Variants in POU2F2 observed in about 807,000 individuals in gnomAD.
The protein encoded by POU2F2 is POU class 2 homeobox 2.
A neutral mutation model predicts 63.5 loss-of-function variants in POU2F2; 14 were observed. The observed-to-expected ratio is 0.22, with a 90% CI of 0.15 to 0.34. The LOEUF (loss-of-function observed/expected upper bound fraction) is 0.34, where lower values mean the gene tolerates loss of function less well. POU2F2 is among the 10% of genes least tolerant of loss of function. The pLI is 1.00. For synonymous variants in POU2F2, 306 were observed against 348.6 expected, an observed-to-expected ratio of 0.88 and a Z score of 1.36; for missense variants, 607 against 815.2, an observed-to-expected ratio of 0.74 and a Z score of 3.11.
At chr19:42,137,152 T>C (rs922321908), upstream of POU2F2, 11 of 152,164 alleles carry the variant, frequency 7.2e-5, no homozygotes, top group Non-Finnish European at 1.3e-4. Flanking sequence ...ATAGAGCTTA[T>C]AGTCTTTGGG....
intron 2 of POU2F2, among the ~76,000 whole-genome samples, chr19:42,159,721 G>A (rs1161683841): frequency 6.6e-6 from 1 of 152,154 alleles, no homozygotes; most frequent in Non-Finnish European, 1.5e-5. Context: ...TTGTTCAGGG[G>A]AACGCTTCCA....
intron 1 of POU2F2, among the ~76,000 whole-genome samples, chr19:42,129,643 G>A (rs2033526355): frequency 1.3e-5 from 2 of 152,194 alleles, no homozygotes; most frequent in Non-Finnish European, 2.9e-5. Context: ...CTTCAATTAG[G>A]GGTATGGCCT....
chr19:42,159,162 A>G (rs764997641), intron 2 of POU2F2, among the ~76,000 whole-genome samples: 7 of 152,202 alleles, frequency 4.6e-5, no homozygotes, highest in Non-Finnish European at 8.8e-5. Flanking sequence ...CAAGTTTTGC[A>G]TTAGTTGCCA....
At chr19:42,172,168 G>A (rs1340240510) in intron 1 of POU2F2, among the ~76,000 whole-genome samples, 1 of 152,064 alleles carries the variant, frequency 6.6e-6, no homozygotes, top group African/African-American at 2.4e-5. Flanking sequence ...CAGTATCTGA[G>A]CATCCTTAAA....
intron 13 of POU2F2, 55 bp from the exon 14 acceptor site, chr19:42,091,995 G>T: frequency 1.3e-6 from 2 of 1,537,752 alleles, no homozygotes; most frequent in Non-Finnish European, 1.8e-6. Context: ...CAACATAACT[G>T]GGGTGCCGCT....
At chr19:42,110,176 T>C (rs1168207645) in intron 5 of POU2F2, among the ~76,000 whole-genome samples, 5 of 151,832 alleles carry the variant, frequency 3.3e-5, no homozygotes, top group East Asian at 1.9e-4. Context: ...GGTGGGAGGA[T>C]TGCTTCAGCC....
At position 42,117,815 on chromosome 19, in the gene POU2F2, G is replaced by GAAA. The variant is rs35712190; in HGVS notation, c.187-386_187-384dup. 2.1e-5 allele frequency among the ~76,000 whole-genome samples: 3 copies of GAAA among 142,112 alleles called. No homozygotes were observed. The highest frequency in any genetic ancestry group is 4.6e-5 in the Non-Finnish European group (3 of 64,842). 93.2% of individuals were successfully genotyped at this position (142,112 alleles called of 152,430 possible). ...GCCAACATGGTGAAACCCCATTTCT[G>GAAA]AAAAAAAAAAAGGAAAATACTCCCA... On this transcript the variant is annotated intron_variant, in intron 4 of 14. Coordinates refer to ENST00000692977, the MANE Select transcript of POU2F2 (RefSeq NM_001394376.1). This position sits in a 1 kb window ranked among gnomAD's most constrained non-coding sequence, Gnocchi z 4.4.
intron 1 of POU2F2, among the ~76,000 whole-genome samples, 163 bp downstream of exon 1, chr19:42,132,221 G>A (rs1180301362): frequency 6.6e-6 from 1 of 152,222 alleles, no homozygotes; most frequent in Non-Finnish European, 1.5e-5. Flanking sequence ...AAGAGGAGCT[G>A]TGGGGGTTAG....
At chr19:42,190,382 T>G (rs923729861) in intron 1 of POU2F2, among the ~76,000 whole-genome samples, 3 of 152,134 alleles carry the variant, frequency 2.0e-5, no homozygotes, top group Non-Finnish European at 4.4e-5. Flanking sequence ...TTTTATTTGT[T>G]GAGACTGAAA....
In POU2F2 at chr19:42,091,495, A is replaced by C. The variant is rs2076711559; in HGVS notation, c.1637T>G (p.Leu546Arg). Reference protein sequence around the residue: ...AAGAAPGSPGLVTSPLFLNHA... With the variant: ...AAGAAPGSPGRVTSPLFLNHA... ...ATTCAAGAAGAGCGGCGAGGTCACC[A>C]GGCCAGGGCTCCCCGGGGCTGCACC... is the stretch of plus-strand genomic sequence containing the variant. Residue 546 changes from leucine to arginine, a missense_variant, in exon 15 of 15, where the codon CTG becomes CGG. By Grantham distance (102) the Leu-to-Arg change is moderately radical. Transcript: ENST00000692977. The C allele has an allele frequency of 5.2e-6, 8 of 1,549,128 alleles. No individual in the cohort carries two copies. Among genetic ancestry groups the C allele is most frequent in the African/African-American group, 1.4e-5 (1 of 73,086 alleles).
chr19:42,151,408 G>A (rs2034349002), intron 2 of POU2F2, among the ~76,000 whole-genome samples: 1 of 152,112 alleles, frequency 6.6e-6, no homozygotes, highest in East Asian at 1.9e-4. Context: ...TGGGAGGAGA[G>A]GAGGATCTGG....
chr19:42,113,907 G>A (rs1489597213), intron 5 of POU2F2, among the ~76,000 whole-genome samples: 3 of 152,174 alleles, frequency 2.0e-5, no homozygotes, highest in Non-Finnish European at 4.4e-5. Flanking sequence ...TGGTCCCTCT[G>A]CAGCCTGGGC....
intron 7 of POU2F2, among the ~76,000 whole-genome samples, chr19:42,098,966 G>A (rs990910670): frequency 3.9e-5 from 6 of 152,202 alleles, no homozygotes; most frequent in South Asian, 2.1e-4. Flanking sequence ...AAGCCACCAC[G>A]TAGACACAGG....
Position 42,194,070 on chromosome 19 carries a change from T to C in POU2F2, c.-70+2313A>G, listed in dbSNP as rs370708296. On this transcript the variant is annotated intron_variant, in intron 1 of 5. Coordinates refer to the POU2F2 transcript ENST00000532176. Reference sequence around the variant, plus strand: ...GTTCAAGAAGAGATAAAATTAACTCTATCACTGAGTGATGAAAAACTAGAA... The same window carrying C: ...GTTCAAGAAGAGATAAAATTAACTCCATCACTGAGTGATGAAAAACTAGAA... Among the ~76,000 whole-genome samples, 8 of 152,306 alleles carry C rather than the reference T, an allele frequency of 5.3e-5. 1 individual carries two copies. Among genetic ancestry groups the C allele is most frequent in the African/African-American group, 1.9e-4 (8 of 41,574 alleles).
At chr19:42,175,705 G>A (rs1455800269) in intron 1 of POU2F2, among the ~76,000 whole-genome samples, 1 of 152,024 alleles carries the variant, frequency 6.6e-6, no homozygotes, top group Non-Finnish European at 1.5e-5. Context: ...GAGGCAGCAG[G>A]CAGTCGAAGG....
At chr19:42,181,949 C>T (rs955615793) in intron 1 of POU2F2, among the ~76,000 whole-genome samples, 6 of 152,042 alleles carry the variant, frequency 3.9e-5, no homozygotes, top group African/African-American at 1.4e-4. Context: ...GCATCTGTGG[C>T]CATGTGTGTG....
intron 1 of POU2F2, among the ~76,000 whole-genome samples, chr19:42,163,901 C>A (rs1037429881): frequency 2.6e-5 from 4 of 152,102 alleles, no homozygotes; most frequent in Non-Finnish European, 5.9e-5. Context: ...TTTTTTTACA[C>A]TTCTCTCAGC....
rs2034434114 is a variant in POU2F2, at chr19:42,155,159, T to C, written c.-9+5173A>G. ...CAGCTGCCCCGCACTGTTTTTTCTTTCTCATTGTCCCCTGCCTTCAGCCCG... is the reference window on the plus strand; with the variant it reads ...CAGCTGCCCCGCACTGTTTTTTCTTCCTCATTGTCCCCTGCCTTCAGCCCG... On this transcript the variant is annotated intron_variant, in intron 2 of 6. Coordinates refer to the POU2F2 transcript ENST00000524801. The surrounding 1 kb of genome is among the most constrained non-coding windows in gnomAD (Gnocchi z 4.2). Among the ~76,000 whole-genome samples, 1 of 152,204 alleles carries C rather than the reference T, an allele frequency of 6.6e-6. No individual in the cohort carries two copies. The highest frequency in any genetic ancestry group is 2.1e-4 in the South Asian group (1 of 4,832).
At chr19:42,109,910 A>G (rs2030793149) in intron 5 of POU2F2, among the ~76,000 whole-genome samples, 1 of 152,210 alleles carries the variant, frequency 6.6e-6, no homozygotes, top group Non-Finnish European at 1.5e-5. Context: ...CTGTATCAAA[A>G]CATCATATTT....
Sources: gnomAD v4.1 joint callset for allele counts (sites outside exome capture counted in the v4.1 genomes callset) on GRCh38, gnomAD v4.1.1 for gene constraint, Gnocchi (gnomAD v3.1) non-coding constraint, MANE v1.5 for transcripts, NCBI Gene and HGNC (gene_info 2026-07-23, HGNC 2026-07-21) for gene names.